The following DPCD variants were observed in gnomAD, a reference collection of about 807,000 sequenced individuals.
The protein encoded by DPCD is protein DPCD.
DPCD carries 20 observed loss-of-function variants against 26.4 expected under a neutral mutation model. That is an observed-to-expected ratio of 0.76 (90% CI 0.53 to 1.10). The LOEUF is 1.10. Ranked by LOEUF, DPCD falls within the 50% of genes least tolerant of loss-of-function variation. DPCD has a pLI of 0.00. For missense variants in DPCD, 202 were observed against 253.9 expected, an observed-to-expected ratio of 0.80 and a Z score of 1.39; for synonymous variants, 97 against 94.2, an observed-to-expected ratio of 1.03 and a Z score of -0.17.
At chr10:101,589,485 G>T (rs1257760259) in intron 1 of DPCD, among the ~76,000 whole-genome samples, 1 of 152,218 alleles carries the variant, frequency 6.6e-6, no homozygotes, top group Non-Finnish European at 1.5e-5. Flanking sequence ...GCTCACGCCC[G>T]TAATTCCAGC....
chr10:101,588,829 T>C (rs970402874), intron 1 of DPCD, among the ~76,000 whole-genome samples: 2 of 152,224 alleles, frequency 1.3e-5, no homozygotes, highest in African/African-American at 4.8e-5. Context: ...AGTCGGCTCC[T>C]TTACTTGTTT....
intron 2 of DPCD, among the ~76,000 whole-genome samples, chr10:101,598,948 C>A (rs2063673408): frequency 6.6e-6 from 1 of 152,102 alleles, no homozygotes. Context: ...AAGGAACTTC[C>A]ACCTTTAAAA....
chr10:101,588,953 C>T (rs1177376063), intron 1 of DPCD, among the ~76,000 whole-genome samples: 4 of 152,204 alleles, frequency 2.6e-5, no homozygotes, highest in African/African-American at 9.6e-5. Context: ...TTTTCTGTGT[C>T]TTTAGGGGAG....
chr10:101,594,565 A>T, intron 1 of DPCD, 93 bp from the exon 2 acceptor site: 1 of 1,309,342 alleles, frequency 7.6e-7, no homozygotes, highest in South Asian at 1.2e-5. Context: ...AGTACTCCCA[A>T]GGCTGGCACT....
chr10:101,594,589 G>C (rs2063635995), intron 1 of DPCD, 69 bp from the exon 2 acceptor site: 1 of 1,508,142 alleles, frequency 6.6e-7, no homozygotes. Flanking sequence ...TCCCAGGTAG[G>C]CCCCTTGATC....
chr10:101,592,145 A>G (rs1327537207), intron 1 of DPCD, among the ~76,000 whole-genome samples: 1 of 152,194 alleles, frequency 6.6e-6, no homozygotes, highest in African/African-American at 2.4e-5. Flanking sequence ...TAAGTATCGA[A>G]TAATCATTGG....
chr10:101,590,174 G>A (rs920549754), intron 1 of DPCD, among the ~76,000 whole-genome samples: 4 of 152,200 alleles, frequency 2.6e-5, no homozygotes, highest in African/African-American at 7.2e-5. Context: ...GTGAAGGTAC[G>A]TGCCTGATTA....
chr10:101,601,220 G>A lies in DPCD; in HGVS notation c.288G>A (p.Lys96=). ...ESNANPIFMR[K]DTKMSFQWRI... ...TTCTGCAGCCTATCTTCATGCGCAA[G>A]GACACCAAGATGAGTTTCCAGTGGC... The change falls in exon 4 of 6, where the codon AAG becomes AAA. Residue 96 remains lysine, a synonymous_variant. Coordinates refer to ENST00000370151, the MANE Select transcript of DPCD (RefSeq NM_015448.3). The A allele has an allele frequency of 6.2e-7, 1 of 1,613,762 alleles. No homozygotes were observed. Among genetic ancestry groups the A allele is most frequent in the Non-Finnish European group, 8.5e-7 (1 of 1,179,906 alleles).
intron 2 of DPCD, among the ~76,000 whole-genome samples, chr10:101,597,075 G>A (rs767951941): frequency 6.6e-6 from 1 of 152,064 alleles, no homozygotes. Context: ...AAAACTGAAG[G>A]CCCCACAACA....
rs1177017517 is a variant in DPCD at position 101,609,296 on chromosome 10, G to T, written c.508-71G>T. On this transcript the variant is annotated intron_variant, in intron 5 of 5. Transcript: ENST00000370151. Reference sequence around the variant, plus strand: ...AAATAAGGGGATCAGAAGGAGAAGGGGCCCCAAGTGTGTGTGGAAGGAGAT... The same window carrying T: ...AAATAAGGGGATCAGAAGGAGAAGGTGCCCCAAGTGTGTGTGGAAGGAGAT... The T allele has an allele frequency of 1.1e-5, 16 of 1,485,674 alleles. No individual in the cohort carries two copies. The Admixed American group carries it at 2.4e-4, about 23-fold the overall frequency. The allele number at this position is 1,485,674 out of a possible 1,614,324, so 92.0% of individuals were successfully genotyped here. A position where few individuals can be genotyped will look rare whatever the true frequency, so the allele number is the denominator to read the frequency against.
intron 2 of DPCD, among the ~76,000 whole-genome samples, chr10:101,598,608 TTTC>T: frequency 7.9e-6 from 1 of 126,512 alleles, no homozygotes; most frequent in Non-Finnish European, 1.7e-5. Flanking sequence ...GGGTAGATGC[TTTC>T]TTTTTTTTTT....
At chr10:101,605,205 C>T (rs754151877) in intron 4 of DPCD, 44 of 1,550,182 alleles carry the variant, frequency 2.8e-5, no homozygotes, top group African/African-American at 1.4e-4. Context: ...CATGGCACCC[C>T]CTCTGAGGTA....
intron 4 of DPCD, among the ~76,000 whole-genome samples, chr10:101,604,905 C>T (rs948099548): frequency 2.0e-5 from 3 of 152,188 alleles, no homozygotes; most frequent in Non-Finnish European, 4.4e-5. Context: ...GCTGATTTGA[C>T]ATCGGTGATA....
intron 2 of DPCD, chr10:101,596,495 A>G (rs997837478): frequency 6.6e-6 from 1 of 152,204 alleles, no homozygotes; most frequent in Admixed American, 6.5e-5. Flanking sequence ...GTTCTGTCCA[A>G]TTAAGAGCCC....
chr10:101,598,435 G>T (rs138077175), intron 2 of DPCD, among the ~76,000 whole-genome samples: 1,541 of 152,088 alleles, frequency 0.01, 20 homozygotes, highest in Admixed American at 0.047. Flanking sequence ...TCAAATTCTG[G>T]ATTTGGAGTT....
Position 101,601,247 on chromosome 10 carries a change from G to A in DPCD, c.315G>A (p.Arg105=). 1 of 1,613,746 alleles carries A rather than the reference G, an allele frequency of 6.2e-7. No homozygotes were observed. The highest frequency in any genetic ancestry group is 2.2e-5 in the East Asian group (1 of 44,788). ...RKDTKMSFQW[R]IRNLPYPKDV... is the part of the protein sequence containing the mutation. ...ACACCAAGATGAGTTTCCAGTGGCG[G>A]ATTCGAAACCTCCCCTATCCTAAGG... Residue 105 remains arginine, a synonymous_variant, in exon 4 of 6, where the codon CGG becomes CGA. Coordinates refer to ENST00000370151, the MANE Select transcript of DPCD (RefSeq NM_015448.3).
In DPCD at chr10:101,600,334, G is replaced by A. The variant is rs909292895; in HGVS notation, c.146-404G>A. On this transcript the variant is annotated intron_variant, in intron 2 of 5. Transcript: ENST00000370151. This position sits in a 1 kb window ranked among gnomAD's most constrained non-coding sequence, Gnocchi z 4.7. ...ATTTTTTCCTCTGCATGTTTTTGAGGGAAAAAGTGTGCTTCAACTCCTTTT... is the reference window on the plus strand; with the variant it reads ...ATTTTTTCCTCTGCATGTTTTTGAGAGAAAAAGTGTGCTTCAACTCCTTTT... Among the ~76,000 whole-genome samples the A allele has an allele frequency of 1.6e-4, 24 of 151,980 alleles. No homozygotes were observed. The highest frequency in any genetic ancestry group is 5.8e-4 in the African/African-American group (24 of 41,376).
chr10:101,600,985 C>G lies in DPCD; in HGVS notation c.270+123C>G. ...TCGCCTCCAGTGTGCCACCTGGACACAGCACTCTATAAATGTTTGTTTGAA... is the reference window on the plus strand; with the variant it reads ...TCGCCTCCAGTGTGCCACCTGGACAGAGCACTCTATAAATGTTTGTTTGAA... On this transcript the variant is annotated intron_variant, in intron 3 of 5. Transcript: ENST00000370151. The surrounding 1 kb of genome is among the most constrained non-coding windows in gnomAD (Gnocchi z 4.7). 5 of 1,516,610 alleles carry G rather than the reference C, an allele frequency of 3.3e-6. No homozygotes were observed. Among genetic ancestry groups the G allele is most frequent in the Non-Finnish European group, 4.4e-6 (5 of 1,126,088 alleles). 93.9% of individuals were successfully genotyped at this position (1,516,610 alleles called of 1,614,324 possible).
chr10:101,599,864 G>C (rs1589725467), intron 2 of DPCD, among the ~76,000 whole-genome samples: 1 of 152,234 alleles, frequency 6.6e-6, no homozygotes, highest in East Asian at 1.9e-4. Flanking sequence ...GCAGCAGGAA[G>C]GGAAAGGAAC....
Sources: allele counts gnomAD v4.1 joint callset (sites outside exome capture counted in the v4.1 genomes callset), GRCh38; gene constraint gnomAD v4.1.1; non-coding constraint Gnocchi (gnomAD v3.1); transcripts MANE v1.5; gene names NCBI Gene and HGNC (gene_info 2026-07-23, HGNC 2026-07-21).